TBX22: variants seen among roughly 807,000 people sequenced by gnomAD.
TBX22 encodes the protein T-box transcription factor TBX22.
TBX22 carries 8 observed loss-of-function variants against 30.1 expected under a neutral mutation model. The ratio of observed to expected loss-of-function variants is 0.27; its 90% CI spans 0.16 to 0.48. The LOEUF is 0.48. TBX22 is among the 20% of genes least tolerant of loss of function. TBX22 has a pLI of 0.99. For synonymous variants in TBX22, 173 were observed against 149.1 expected (o/e 1.16, Z -1.17); for missense variants, 463 against 400.5 (o/e 1.16, Z -1.33).
chrX:80,026,590 C>T (rs1212749042), intron 5 of TBX22, 114 bp from the exon 6 acceptor site: 10 of 808,559 alleles, frequency 1.2e-5, no homozygotes, highest in African/African-American at 2.0e-5. Context: ...AAAGTAGTTA[C>T]CTAAGCTTCA....
intron 8 of TBX22, among the ~76,000 whole-genome samples, chrX:80,030,115 C>T (rs1456376154): frequency 9.0e-6 from 1 of 111,584 alleles, no homozygotes; most frequent in African/African-American, 3.3e-5. Flanking sequence ...CAACCTAGAT[C>T]CCTCACATGC....
rs756659631 is a variant in TBX22, at chrX:80,031,101, A to G, written c.1553A>G (p.His518Arg). The change falls in exon 9 of 9, where the codon CAT becomes CGT. Residue 518 changes from histidine (H) to arginine (R), a missense_variant. Coordinates refer to ENST00000373296, the MANE Select transcript of TBX22 (RefSeq NM_001109878.2). ...NHVHWYPAIN[H>R]YL ...GTTCATTGGTATCCAGCAATTAACC[A>G]TTACCTTTAGTAAGACAATAGCATT... 6 of 1,207,299 alleles carry G rather than the reference A, an allele frequency of 5.0e-6. No individual in the cohort carries two copies. The highest frequency in any genetic ancestry group is 1.8e-5 in the South Asian group (1 of 56,789).
At chrX:80,022,726 T>G (rs868121488) in intron 2 of TBX22, 1 of 426,271 alleles carries the variant, frequency 2.3e-6, no homozygotes, top group Non-Finnish European at 4.1e-6. Context: ...GGCTGCTGTA[T>G]CCTGGGATGG....
chrX:80,025,072 A>G lies in TBX22; in HGVS notation c.459-531A>G, dbSNP rs1457179872. 2.7e-5 allele frequency among the ~76,000 whole-genome samples: 3 copies of G among 112,231 alleles called. No homozygotes were observed. In the Admixed American group the frequency reaches 2.8e-4, roughly 11 times the overall value. Reference sequence around the variant, plus strand: ...GCAGAAAAAGCTGTTTGCTTCTCAAATTGCAGCTGGCTTGGGAATAAGAGC... The same window carrying G: ...GCAGAAAAAGCTGTTTGCTTCTCAAGTTGCAGCTGGCTTGGGAATAAGAGC... On this transcript the variant is annotated intron_variant, in intron 4 of 8. Coordinates refer to ENST00000373296, the MANE Select transcript of TBX22 (RefSeq NM_001109878.2).
In TBX22 at chrX:80,030,888, TAC is replaced by T; in HGVS notation, c.1342_1343del (p.Gln448ValfsTer17). On this transcript the variant is annotated frameshift_variant, in exon 9 of 9. Transcript: ENST00000373296. LOFTEE classifies it high-confidence loss of function. ...TCTACCAATCAAATGTTATATGGAT[TAC>T]AGTCACCTGGAAATATTTTTCTGCC... 1 of 1,211,868 alleles carries T rather than the reference TAC, an allele frequency of 8.3e-7. No individual in the cohort carries two copies. The highest frequency in any genetic ancestry group is 1.1e-6 in the Non-Finnish European group (1 of 895,366).
intron 1 of TBX22, among the ~76,000 whole-genome samples, chrX:80,018,832 G>A (rs7053772): frequency 0.013 from 1,442 of 112,110 alleles, 28 homozygotes; most frequent in African/African-American, 0.044. Flanking sequence ...CTTGTGTAAG[G>A]TCATTCAGAT....
chrX:80,021,094 A>T (rs1221762278), intron 1 of TBX22, among the ~76,000 whole-genome samples: 1 of 111,677 alleles, frequency 9.0e-6, no homozygotes, highest in Non-Finnish European at 1.9e-5. Context: ...TTGTATATTC[A>T]TTTTAAGGAA....
chrX:80,026,615 T>C, intron 5 of TBX22, 89 bp from the exon 6 acceptor site: 1 of 967,363 alleles, frequency 1.0e-6, no homozygotes, highest in Non-Finnish European at 1.5e-6. Context: ...TGCCTTTTTG[T>C]GTGCACATGG....
intron 3 of TBX22, among the ~76,000 whole-genome samples, 184 bp from the exon 4 acceptor site, chrX:80,023,879 T>C (rs1923841403): frequency 8.9e-6 from 1 of 111,910 alleles, no homozygotes; most frequent in African/African-American, 3.3e-5. Flanking sequence ...TCCGTACTTG[T>C]TCGGTCAAGT....
rs764049245 is a variant in TBX22 at position 80,027,283 on chromosome X, C to A, written c.826C>A (p.Pro276Thr). The change falls in exon 7 of 9, where the codon CCT (proline) becomes ACT (threonine). Residue 276 changes from proline to threonine, a missense_variant. Physicochemically the swap from Pro to Thr is conservative, Grantham distance 38. Transcript: ENST00000373296. ...QITKLKIERNPFAKGFRDTGR... is the reference protein window; with the variant it reads ...QITKLKIERNTFAKGFRDTGR... ...TACGAAACTAAAAATAGAAAGAAAT[C>A]CTTTTGCTAAAGGATTTAGAGATAC... The A allele has an allele frequency of 8.9e-7, 1 of 1,117,643 alleles. No individual in the cohort carries two copies. The allele number at this position is 1,117,643 out of a possible 1,213,427, so 92.1% of individuals were successfully genotyped here.
intron 4 of TBX22, among the ~76,000 whole-genome samples, chrX:80,025,342 G>T (rs1231233441): frequency 8.9e-6 from 1 of 112,274 alleles, no homozygotes; most frequent in African/African-American, 3.2e-5. Flanking sequence ...AATTTCTGTG[G>T]TGGTTTCTGT....
intron 1 of TBX22, among the ~76,000 whole-genome samples, chrX:80,020,700 C>G (rs372869497): frequency 9.0e-5 from 10 of 111,615 alleles, no homozygotes; most frequent in African/African-American, 2.9e-4. Flanking sequence ...ACCACCACCA[C>G]TACCACTGCC....
At chrX:80,029,874 G>A (rs1924162047) in intron 8 of TBX22, among the ~76,000 whole-genome samples, 1 of 112,315 alleles carries the variant, frequency 8.9e-6, no homozygotes, top group Non-Finnish European at 1.9e-5. Context: ...TGGTTCAAGT[G>A]CCTAGCACAG....
intron 4 of TBX22, among the ~76,000 whole-genome samples, chrX:80,024,937 G>C (rs1923902615): frequency 9.0e-6 from 1 of 110,844 alleles, no homozygotes; most frequent in Non-Finnish European, 1.9e-5. Context: ...TTGACCCAGA[G>C]GTGGGTCCCT....
chrX:80,020,289 T>TTAGATAGATAGATAGATAGATAGA lies in TBX22; in HGVS notation c.-2-1973_-2-1950dup, dbSNP rs3048745. The stretch of plus-strand genomic sequence containing the variant: ...TAAAATATAGATAGATAGAGATAGA[T>TTAGATAGATAGATAGATAGATAGA]TAGATAGATAGATAGATAGATAGAT... On this transcript the variant is annotated intron_variant, in intron 1 of 8. Coordinates refer to ENST00000373296, the MANE Select transcript of TBX22 (RefSeq NM_001109878.2). Among the ~76,000 whole-genome samples, 745 of 104,654 alleles carry TTAGATAGATAGATAGATAGATAGA rather than the reference T, an allele frequency of 7.1e-3. 2 individuals are homozygous for TTAGATAGATAGATAGATAGATAGA. Among genetic ancestry groups the TTAGATAGATAGATAGATAGATAGA allele is most frequent in the African/African-American group, 0.016 (438 of 28,000 alleles). The allele number at this position is 104,654 out of a possible 115,157, so 90.9% of individuals were successfully genotyped here. A position where few individuals can be genotyped will look rare whatever the true frequency, so the allele number is the denominator to read the frequency against.
rs765282592 is a variant in TBX22, at chrX:80,030,491, T to C, written c.950-7T>C. 13 of 1,211,563 alleles carry C rather than the reference T, an allele frequency of 1.1e-5. No individual in the cohort carries two copies. Among genetic ancestry groups the C allele is most frequent in the Non-Finnish European group, 1.5e-5 (13 of 895,297 alleles). On this transcript the variant is annotated splice_polypyrimidine_tract_variant and splice_region_variant and intron_variant, in intron 8 of 8. Coordinates refer to ENST00000373296, the MANE Select transcript of TBX22 (RefSeq NM_001109878.2). Reference sequence around the variant, plus strand: ...TCATTATTCATTGGCTGAATTGTCATTCACAGGTGGAAGCAGTGGCTCATC... The same window carrying C: ...TCATTATTCATTGGCTGAATTGTCACTCACAGGTGGAAGCAGTGGCTCATC...
chrX:80,017,708 A>T (rs742308), intron 1 of TBX22, among the ~76,000 whole-genome samples: 27,073 of 110,406 alleles, frequency 0.25, 2,525 homozygotes, highest in East Asian at 0.36. Context: ...AATTGTCCCC[A>T]TAATTCTGGT....
chrX:80,017,078 A>G (rs1280605297), intron 1 of TBX22, among the ~76,000 whole-genome samples: 1 of 109,089 alleles, frequency 9.2e-6, no homozygotes, highest in Admixed American at 9.9e-5. Flanking sequence ...TGGAGTAGGT[A>G]AAAGAAATGT....
At chrX:80,020,044 T>C (rs1923608987) in intron 1 of TBX22, among the ~76,000 whole-genome samples, 2 of 111,328 alleles carry the variant, frequency 1.8e-5, no homozygotes, top group South Asian at 7.6e-4. Flanking sequence ...TACAAAAATC[T>C]ATTTAAAAAA....
Sources: gnomAD v4.1 joint callset for allele counts (sites outside exome capture counted in the v4.1 genomes callset) on GRCh38, gnomAD v4.1.1 for gene constraint, MANE v1.5 for transcripts, NCBI Gene and HGNC (gene_info 2026-07-23, HGNC 2026-07-21) for gene names.